PHKA1: variants seen among roughly 807,000 people sequenced by gnomAD.
PHKA1 encodes the protein phosphorylase b kinase regulatory subunit alpha, skeletal muscle isoform.
A neutral mutation model predicts 110.2 loss-of-function variants in PHKA1; 60 were observed. The ratio of observed to expected loss-of-function variants is 0.54; its 90% CI spans 0.44 to 0.68. The LOEUF is 0.68. Ranked by LOEUF, PHKA1 falls within the 30% of genes least tolerant of loss-of-function variation. The pLI, the probability that PHKA1 is intolerant of heterozygous loss-of-function variation, is 0.00. For missense variants in PHKA1, 801 were observed against 942.5 expected (o/e 0.85, Z 1.97); for synonymous variants, 316 against 333.6 (o/e 0.95, Z 0.58).
chrX:72,609,683 G>A lies in PHKA1; in HGVS notation c.2547C>T (p.Ser849=), dbSNP rs267606507. ...ALDEACTDLL[S]HQKHLTVGLP... ...GTCCTACTGTCAAATGTTTCTGGTG[G>A]GAGAGAAGGTCTGTGCAGGCCTAAC... The change falls in exon 23 of 32, where the codon TCC becomes TCT. Residue 849 remains serine, a synonymous_variant. Coordinates refer to ENST00000373542, the MANE Select transcript of PHKA1 (RefSeq NM_002637.4). 6 of 1,200,361 alleles carry A rather than the reference G, an allele frequency of 5.0e-6. No homozygotes were observed. The South Asian group carries it at 8.8e-5, about 18-fold the overall frequency.
At chrX:72,616,466 T>C (rs1434983854) in intron 21 of PHKA1, among the ~76,000 whole-genome samples, 1 of 112,205 alleles carries the variant, frequency 8.9e-6, no homozygotes, top group Non-Finnish European at 1.9e-5. Flanking sequence ...CTATTGTAAA[T>C]GTATATGCAC....
chrX:72,591,295 A>T (rs781840017), intron 29 of PHKA1, among the ~76,000 whole-genome samples: 1 of 111,677 alleles, frequency 9.0e-6, no homozygotes, highest in Non-Finnish European at 1.9e-5. Context: ...CATCATTCTG[A>T]GCAAACTATC....
chrX:72,711,536 A>C, intron 2 of PHKA1, among the ~76,000 whole-genome samples: 1 of 110,414 alleles, frequency 9.1e-6, no homozygotes, highest in East Asian at 2.9e-4. Flanking sequence ...CAAGGTCAGG[A>C]GATTGAGACC....
At chrX:72,644,317 T>C in intron 14 of PHKA1, 45 bp downstream of exon 14, 1 of 1,182,910 alleles carries the variant, frequency 8.5e-7, no homozygotes, top group Non-Finnish European at 1.1e-6. Context: ...AACCAGCCTA[T>C]AATGAATAAT....
intron 29 of PHKA1, among the ~76,000 whole-genome samples, chrX:72,590,763 A>T (rs187119364): frequency 0.055 from 6,165 of 112,264 alleles, 400 homozygotes; most frequent in African/African-American, 0.19. Flanking sequence ...ATATGAACAG[A>T]CACTTCTCAA....
At chrX:72,589,490 T>A (rs1223545716) in intron 29 of PHKA1, among the ~76,000 whole-genome samples, 1 of 111,777 alleles carries the variant, frequency 8.9e-6, no homozygotes, top group Non-Finnish European at 1.9e-5. Flanking sequence ...GGGCAAAAAT[T>A]GGAAGCATTG....
intron 2 of PHKA1, among the ~76,000 whole-genome samples, chrX:72,711,588 C>T (rs2054384634): frequency 9.1e-6 from 1 of 109,484 alleles, no homozygotes; most frequent in African/African-American, 3.3e-5. Flanking sequence ...ACTAAAAATA[C>T]AAAAAATTAG....
intron 17 of PHKA1, among the ~76,000 whole-genome samples, chrX:72,623,577 A>C (rs1425033433): frequency 9.0e-6 from 1 of 110,895 alleles, no homozygotes; most frequent in Non-Finnish European, 1.9e-5. Flanking sequence ...ATCTGGTAAA[A>C]ATTTGCATTG....
At chrX:72,633,384 A>G (rs899776259) in intron 16 of PHKA1, among the ~76,000 whole-genome samples, 2 of 111,501 alleles carry the variant, frequency 1.8e-5, no homozygotes, top group Non-Finnish European at 3.8e-5. Context: ...ATGAAGCAAC[A>G]AGGCACCATC....
intron 16 of PHKA1, among the ~76,000 whole-genome samples, chrX:72,634,783 TTATC>T (rs1379539535): frequency 2.7e-5 from 3 of 112,030 alleles, no homozygotes; most frequent in Non-Finnish European, 5.6e-5. Flanking sequence ...TAGAAACTAA[TTATC>T]TAAAGTAACC....
chrX:72,675,767 A>G (rs2053772170), intron 6 of PHKA1, among the ~76,000 whole-genome samples: 2 of 110,378 alleles, frequency 1.8e-5, no homozygotes, highest in Non-Finnish European at 3.8e-5. Context: ...AAAGGAATAA[A>G]AGCCTTCTTT....
At chrX:72,609,349 AT>A (rs1360243101) in intron 23 of PHKA1, among the ~76,000 whole-genome samples, 1 of 112,043 alleles carries the variant, frequency 8.9e-6, no homozygotes, top group Non-Finnish European at 1.9e-5. Flanking sequence ...TATGGCTGAC[AT>A]TTTGTGGTTG....
chrX:72,713,916 C>T lies in PHKA1; in HGVS notation c.-36G>A, dbSNP rs2054425025. On this transcript the variant is annotated 5_prime_UTR_variant, in exon 1 of 32. Transcript: ENST00000373542. ...TACTAATTGTCCTCTGAGAAATAGCCCGGGTGCCACCGGAGCCTTCGGTCC... is the reference window on the plus strand; with the variant it reads ...TACTAATTGTCCTCTGAGAAATAGCTCGGGTGCCACCGGAGCCTTCGGTCC... 8 of 1,030,945 alleles carry T rather than the reference C, an allele frequency of 7.8e-6. No homozygotes were observed. Among genetic ancestry groups the T allele is most frequent in the Non-Finnish European group, 1.1e-5 (8 of 733,382 alleles). 85.0% of individuals were successfully genotyped at this position (1,030,945 alleles called of 1,213,427 possible).
At position 72,713,672 on chromosome X, in the gene PHKA1, A is replaced by T. The variant is rs1603278110; in HGVS notation, c.78+131T>A. On this transcript the variant is annotated intron_variant, in intron 1 of 31. Transcript: ENST00000373542. ...GCGGAGTTCATGCAAGGTCTCCGTC[A>T]CACACACACACACACACACACACAC... 4.8e-5 allele frequency: 18 copies of T among 371,834 alleles called. No individual in the cohort carries two copies. The East Asian group carries it at 2.0e-3, about 41-fold the overall frequency. The allele number at this position is 371,834 out of a possible 1,213,427, so 30.6% of individuals were successfully genotyped here.
intron 17 of PHKA1, among the ~76,000 whole-genome samples, chrX:72,624,372 C>T (rs782011294): frequency 1.5e-4 from 17 of 111,457 alleles, no homozygotes; most frequent in Non-Finnish European, 2.8e-4. Flanking sequence ...TATACAACTT[C>T]CTCCTGGTAA....
chrX:72,585,103 A>C (rs1326406564), intron 29 of PHKA1, among the ~76,000 whole-genome samples: 1 of 110,738 alleles, frequency 9.0e-6, no homozygotes, highest in Non-Finnish European at 1.9e-5. Flanking sequence ...ATTTCCAAAA[A>C]TGTGTAAGAA....
rs782361698 is a variant in PHKA1, at chrX:72,676,111, C to T, written c.577G>A (p.Gly193Arg). The change falls in exon 6 of 32, where the codon GGG becomes AGG. Residue 193 changes from glycine (G) to arginine (R), a missense_variant. Gly to Arg is a moderately radical substitution (Grantham distance 125). This residue lies in a region of PHKA1 where 299 missense variants were observed against 423.3 expected (regional missense o/e 0.71). Transcript: ENST00000373542. The part of the protein sequence containing the change: ...IWERGDKTNQ[G>R]ISELNASSVG... Reference sequence around the variant, plus strand: ...GAACTGGCATTCAACTCTGAGATCCCTTGGTTGGTCTTGTCTCCACGTTCC... The same window carrying T: ...GAACTGGCATTCAACTCTGAGATCCTTTGGTTGGTCTTGTCTCCACGTTCC... The T allele has an allele frequency of 8.3e-7, 1 of 1,209,436 alleles. No homozygotes were observed. Among genetic ancestry groups the T allele is most frequent in the Non-Finnish European group, 1.1e-6 (1 of 893,869 alleles).
intron 29 of PHKA1, among the ~76,000 whole-genome samples, chrX:72,590,184 G>T (rs1274196777): frequency 9.0e-6 from 1 of 111,584 alleles, no homozygotes; most frequent in Non-Finnish European, 1.9e-5. Context: ...ATACTACAAG[G>T]CTACAGTAAC....
At chrX:72,658,231 G>A (rs1243625553) in intron 8 of PHKA1, among the ~76,000 whole-genome samples, 1 of 111,067 alleles carries the variant, frequency 9.0e-6, no homozygotes, top group African/African-American at 3.3e-5. Context: ...AGGCTGAGGC[G>A]GGAGGCACCT....
Sources: gnomAD v4.1 joint callset for allele counts (sites outside exome capture counted in the v4.1 genomes callset) on GRCh38, gnomAD v4.1.1 for gene constraint, gnomAD v4.1.1 regional missense constraint, MANE v1.5 for transcripts, NCBI Gene and HGNC (gene_info 2026-07-23, HGNC 2026-07-21) for gene names.